Variants in IFT80 observed in about 807,000 individuals in gnomAD.
The protein encoded by IFT80 is intraflagellar transport protein 80 homolog.
IFT80 carries 79 observed loss-of-function variants against 107.9 expected under a neutral mutation model. That is an observed-to-expected ratio of 0.73 (90% CI 0.61 to 0.88). The LOEUF is 0.88. Among genes scored for constraint, IFT80 ranks in the 40% least tolerant of loss-of-function variants. The pLI is 0.00. For synonymous variants in IFT80, 299 were observed against 300.9 expected (o/e 0.99, Z 0.07); for missense variants, 797 against 914.2 (o/e 0.87, Z 1.65).
At chr3:160,366,705 T>C (rs534658203) in intron 5 of IFT80, among the ~76,000 whole-genome samples, 1 of 152,156 alleles carries the variant, frequency 6.6e-6, no homozygotes, top group South Asian at 2.1e-4. Flanking sequence ...ACAGTAGATA[T>C]ATATATTTAT....
chr3:160,381,850 T>A, intron 2 of IFT80, 126 bp from the exon 3 acceptor site: 4 of 756,980 alleles, frequency 5.3e-6, no homozygotes, highest in Non-Finnish European at 9.1e-6. Flanking sequence ...AAATGTATTT[T>A]CCATTTTATG....
intron 9 of IFT80, among the ~76,000 whole-genome samples, chr3:160,312,759 T>A (rs183613798): frequency 0.11 from 4,565 of 41,470 alleles, 719 homozygotes; most frequent in Non-Finnish European, 0.16. Flanking sequence ...AATATATATA[T>A]AAATGTATAT....
chr3:160,293,036 A>T (rs1383016536), intron 12 of IFT80, among the ~76,000 whole-genome samples: 1 of 152,234 alleles, frequency 6.6e-6, no homozygotes, highest in Non-Finnish European at 1.5e-5. Context: ...TAGCGGAAAT[A>T]GCCTGTTTGC....
chr3:160,335,091 T>C (rs1300560295), intron 8 of IFT80, among the ~76,000 whole-genome samples: 2 of 151,856 alleles, frequency 1.3e-5, no homozygotes, highest in East Asian at 3.9e-4. Flanking sequence ...ATCGGATTTC[T>C]ACTTACCCTC....
At chr3:160,376,104 C>T (rs116032966) in intron 4 of IFT80, among the ~76,000 whole-genome samples, 1,894 of 152,236 alleles carry the variant, frequency 0.012, 39 homozygotes, top group African/African-American at 0.042. Flanking sequence ...ACGATTTTAT[C>T]AAAGTAGCTT....
intron 5 of IFT80, among the ~76,000 whole-genome samples, chr3:160,371,043 T>C (rs1339863929): frequency 6.6e-6 from 1 of 152,208 alleles, no homozygotes; most frequent in Non-Finnish European, 1.5e-5. Flanking sequence ...AGGTTTTGTA[T>C]GCTTATAGAA....
At chr3:160,322,039 T>C (rs1309449490) in intron 8 of IFT80, among the ~76,000 whole-genome samples, 1 of 142,920 alleles carries the variant, frequency 7.0e-6, no homozygotes, top group Non-Finnish European at 1.5e-5. Context: ...TATTTATTTA[T>C]TTATTATTAT....
In IFT80 at chr3:160,354,853, G is replaced by A. The variant is rs1011213799; in HGVS notation, c.777+1160C>T. On this transcript the variant is annotated intron_variant, in intron 8 of 19. Transcript: ENST00000326448. ...GGGAAAAGACTCAATGGATTTTATGGCACCAGGTTTCAAACAGCTTTTAAA... is the reference window on the plus strand; with the variant it reads ...GGGAAAAGACTCAATGGATTTTATGACACCAGGTTTCAAACAGCTTTTAAA... Among the ~76,000 whole-genome samples, 4 of 152,170 alleles carry A rather than the reference G, an allele frequency of 2.6e-5. No homozygotes were observed. The East Asian group carries it at 7.7e-4, about 29-fold the overall frequency.
At position 160,279,336 on chromosome 3, in the gene IFT80, T is replaced by C; in HGVS notation, c.1693A>G (p.Ser565Gly). 6.2e-7 allele frequency: 1 copy of C among 1,613,216 alleles called. No individual in the cohort carries two copies. The highest frequency in any genetic ancestry group is 8.5e-7 in the Non-Finnish European group (1 of 1,179,478). ...ATAGTTACTTGATTTCCAACAAAACTCACAATATGGGGATTTTTACTAAAT... is the reference window on the plus strand; with the variant it reads ...ATAGTTACTTGATTTCCAACAAAACCCACAATATGGGGATTTTTACTAAAT... ...SEFSKNPHIV[S>G]FVGNQVTIRR... The change falls in exon 16 of 20, where the codon AGT becomes GGT. Residue 565 changes from serine (S) to glycine (G), a missense_variant. Coordinates refer to ENST00000326448, the MANE Select transcript of IFT80 (RefSeq NM_020800.3).
intron 13 of IFT80, among the ~76,000 whole-genome samples, chr3:160,283,499 C>T (rs536851534): frequency 6.6e-6 from 1 of 152,102 alleles, no homozygotes; most frequent in African/African-American, 2.4e-5. Flanking sequence ...TATACCAGTT[C>T]ATAATACATT....
chr3:160,338,511 A>G (rs1719654113), intron 8 of IFT80, among the ~76,000 whole-genome samples: 1 of 152,074 alleles, frequency 6.6e-6, no homozygotes, highest in African/African-American at 2.4e-5. Flanking sequence ...ATGTGCCTGT[A>G]TTCCCAGCTA....
At chr3:160,312,948 T>A (rs1343674471) in intron 9 of IFT80, among the ~76,000 whole-genome samples, 1 of 57,020 alleles carries the variant, frequency 1.8e-5, no homozygotes, top group Non-Finnish European at 3.0e-5. Flanking sequence ...ATAATAAATA[T>A]ATATTATATA....
At chr3:160,381,437 G>A (rs2108404104) in intron 3 of IFT80, 66 bp downstream of exon 3, 1 of 1,208,796 alleles carries the variant, frequency 8.3e-7, no homozygotes, top group East Asian at 2.4e-5. Flanking sequence ...ACAACTCAAA[G>A]CATAAATCAT....
intron 12 of IFT80, among the ~76,000 whole-genome samples, chr3:160,286,442 G>A (rs1157241553): frequency 6.6e-6 from 1 of 152,184 alleles, no homozygotes; most frequent in Non-Finnish European, 1.5e-5. Context: ...ATTTCTAGGG[G>A]AATTCAGTGG....
At chr3:160,299,662 T>C (rs867815919) in intron 12 of IFT80, among the ~76,000 whole-genome samples, 4 of 152,188 alleles carry the variant, frequency 2.6e-5, no homozygotes, top group Non-Finnish European at 5.9e-5. Flanking sequence ...TTCAGTGTTA[T>C]GGCTTTAAGC....
intron 8 of IFT80, among the ~76,000 whole-genome samples, chr3:160,321,511 C>A (rs577589488): frequency 6.6e-6 from 1 of 151,828 alleles, no homozygotes; most frequent in Non-Finnish European, 1.5e-5. Context: ...GGGATAAGTC[C>A]CAGGATCCCC....
Position 160,321,057 on chromosome 3 carries a change from T to C in IFT80, c.778-1118A>G, listed in dbSNP as rs565576079. 7.2e-5 allele frequency among the ~76,000 whole-genome samples: 11 copies of C among 151,936 alleles called. No homozygotes were observed. In the South Asian group the frequency reaches 2.3e-3, roughly 32 times the overall value. ...AATGGCTTCAGTAAAGGCCTAATAA[T>C]AAAGTTACCAAGGAGAAGATAATGA... On this transcript the variant is annotated intron_variant, in intron 8 of 19. Transcript: ENST00000326448.
chr3:160,360,304 C>CA, intron 6 of IFT80, among the ~76,000 whole-genome samples: 1 of 151,822 alleles, frequency 6.6e-6, no homozygotes, highest in East Asian at 1.9e-4. Flanking sequence ...GAAGTTTAGA[C>CA]AAAAAAGAGT....
intron 18 of IFT80, among the ~76,000 whole-genome samples, chr3:160,271,610 AT>A: frequency 6.6e-6 from 1 of 152,202 alleles, no homozygotes; most frequent in East Asian, 1.9e-4. Context: ...GTTGCAGGCA[AT>A]TTTCAAATTC....
Sources: gnomAD v4.1 joint callset for allele counts (sites outside exome capture counted in the v4.1 genomes callset) on GRCh38, gnomAD v4.1.1 for gene constraint, MANE v1.5 for transcripts, NCBI Gene and HGNC (gene_info 2026-07-23, HGNC 2026-07-21) for gene names.